Variants in GABBR2 observed in about 807,000 individuals in gnomAD.
GABBR2 encodes G-protein coupled receptor 51.
In GABBR2, 23 loss-of-function variants were observed where a neutral mutation model predicts 105.6. That is an observed-to-expected ratio of 0.22 (90% CI 0.16 to 0.31). The LOEUF (loss-of-function observed/expected upper bound fraction) is 0.31, where lower values mean the gene tolerates loss of function less well. Among genes scored for constraint, GABBR2 ranks in the 10% least tolerant of loss-of-function variants. GABBR2 has a pLI of 1.00. For missense variants in GABBR2, 734 were observed against 1,245.5 expected (o/e 0.59, Z 6.18); for synonymous variants, 478 against 499.7 (o/e 0.96, Z 0.58).
intron 1 of GABBR2, among the ~76,000 whole-genome samples, chr9:98,677,351 G>T (rs1411622150): frequency 6.6e-6 from 1 of 152,188 alleles, no homozygotes; most frequent in Non-Finnish European, 1.5e-5. Flanking sequence ...AAGAGCCCTG[G>T]TCATTGGCTT....
chr9:98,550,024 G>A (rs1396409029), intron 2 of GABBR2, among the ~76,000 whole-genome samples: 1 of 152,186 alleles, frequency 6.6e-6, no homozygotes, highest in Non-Finnish European at 1.5e-5. Flanking sequence ...GCCAGCATAT[G>A]GGCAAGGTGA....
intron 1 of GABBR2, chr9:98,707,302 T>A (rs1443877254): frequency 6.6e-6 from 1 of 152,222 alleles, no homozygotes; most frequent in Non-Finnish European, 1.5e-5. Context: ...GCCCAGCGCC[T>A]CGGCCCCGTT....
intron 7 of GABBR2, among the ~76,000 whole-genome samples, chr9:98,436,906 T>C (rs1371209812): frequency 6.6e-6 from 1 of 152,182 alleles, no homozygotes; most frequent in Non-Finnish European, 1.5e-5. Flanking sequence ...AATAACAGTC[T>C]TTAGCATTCA....
chr9:98,520,845 C>A (rs1284947247), intron 3 of GABBR2, among the ~76,000 whole-genome samples: 1 of 152,154 alleles, frequency 6.6e-6, no homozygotes, highest in Non-Finnish European at 1.5e-5. Context: ...CCAAGACTGG[C>A]AACACCATGT....
intron 1 of GABBR2, among the ~76,000 whole-genome samples, chr9:98,636,420 GTCATT>G (rs1829876896): frequency 6.6e-6 from 1 of 151,204 alleles, no homozygotes; most frequent in African/African-American, 2.4e-5. Flanking sequence ...TTGGAGACAG[GTCATT>G]TCTTCACAAA....
intron 1 of GABBR2, among the ~76,000 whole-genome samples, chr9:98,649,875 C>T (rs551112438): frequency 6.6e-6 from 1 of 152,276 alleles, no homozygotes; most frequent in East Asian, 1.9e-4. Context: ...ATTTACCTTG[C>T]TTTATTTCCA....
intron 1 of GABBR2, among the ~76,000 whole-genome samples, chr9:98,673,356 A>G (rs2131862914): frequency 6.6e-6 from 1 of 152,308 alleles, no homozygotes; most frequent in Non-Finnish European, 1.5e-5. Context: ...ATCATAGTGC[A>G]TGGTGGGGAA....
intron 13 of GABBR2, among the ~76,000 whole-genome samples, chr9:98,322,624 C>G (rs995398372): frequency 6.6e-6 from 1 of 151,590 alleles, no homozygotes. Context: ...ACCCGTCCAG[C>G]CTTGTTCCCC....
chr9:98,379,082 TG>T (rs1831926201), intron 11 of GABBR2, among the ~76,000 whole-genome samples: 1 of 152,126 alleles, frequency 6.6e-6, no homozygotes, highest in Admixed American at 6.5e-5. Flanking sequence ...TTACCTCCCT[TG>T]CTGCCTGCCC....
rs879779136 is a variant in GABBR2 at position 98,640,312 on chromosome 9, T to C, written c.322-62240A>G. 5.3e-5 allele frequency among the ~76,000 whole-genome samples: 8 copies of C among 152,118 alleles called. No homozygotes were observed. In the South Asian group the frequency reaches 6.2e-4, roughly 12 times the overall value. On this transcript the variant is annotated intron_variant, in intron 1 of 18. Transcript: ENST00000259455. ...CCCCTAACCTTACATATCCCGGGGA[T>C]AGACTCATAAACTCCATTAGTCATG...
At chr9:98,292,158 A>G (rs1037803775) in intron 18 of GABBR2, among the ~76,000 whole-genome samples, 1 of 152,218 alleles carries the variant, frequency 6.6e-6, no homozygotes, top group African/African-American at 2.4e-5. Flanking sequence ...TCCTTGAGAG[A>G]AGGGACTGAG....
intron 6 of GABBR2, among the ~76,000 whole-genome samples, chr9:98,470,468 A>G (rs1156597025): frequency 6.6e-6 from 1 of 152,208 alleles, no homozygotes. Context: ...CTCTACCACA[A>G]GAACAGTGTG....
At chr9:98,629,550 A>G (rs1464451063) in intron 1 of GABBR2, among the ~76,000 whole-genome samples, 1 of 152,248 alleles carries the variant, frequency 6.6e-6, no homozygotes, top group Admixed American at 6.5e-5. Context: ...TATAGTAGAC[A>G]TTGATGGTCT....
chr9:98,319,236 G>A (rs1041394659), intron 13 of GABBR2, among the ~76,000 whole-genome samples: 1 of 152,050 alleles, frequency 6.6e-6, no homozygotes, highest in Admixed American at 6.6e-5. Context: ...CTGGAGAGAC[G>A]GGAAAGCCTG....
At chr9:98,692,452 G>A (rs911724187) in intron 1 of GABBR2, among the ~76,000 whole-genome samples, 13 of 152,220 alleles carry the variant, frequency 8.5e-5, no homozygotes, top group Non-Finnish European at 1.6e-4. Context: ...CGTCCATGAA[G>A]CCAACAGTGT....
At chr9:98,622,790 C>T (rs558866977) in intron 1 of GABBR2, among the ~76,000 whole-genome samples, 1 of 152,302 alleles carries the variant, frequency 6.6e-6, no homozygotes, top group South Asian at 2.1e-4. Context: ...TTTCCTGTGG[C>T]AGCTGAGACA....
At chr9:98,384,108 T>G (rs1564042499) in intron 11 of GABBR2, among the ~76,000 whole-genome samples, 3 of 152,206 alleles carry the variant, frequency 2.0e-5, no homozygotes, top group Admixed American at 1.3e-4. Context: ...ACCGATCTTT[T>G]GACCATCCCC....
intron 1 of GABBR2, among the ~76,000 whole-genome samples, chr9:98,586,452 A>T (rs1829078961): frequency 6.6e-6 from 1 of 152,062 alleles, no homozygotes; most frequent in Admixed American, 6.5e-5. Context: ...GGCACATGCC[A>T]CTGTGCCCAG....
At chr9:98,663,366 A>G (rs1830292310) in intron 1 of GABBR2, among the ~76,000 whole-genome samples, 1 of 152,156 alleles carries the variant, frequency 6.6e-6, no homozygotes, top group Admixed American at 6.5e-5. Context: ...AAACTCTGTT[A>G]CAGAACTGGT....
Sources: gnomAD v4.1 joint callset for allele counts (sites outside exome capture counted in the v4.1 genomes callset) on GRCh38, gnomAD v4.1.1 for gene constraint, MANE v1.5 for transcripts, NCBI Gene and HGNC (gene_info 2026-07-23, HGNC 2026-07-21) for gene names.